The following DST variants were observed in gnomAD, a reference collection of about 807,000 sequenced individuals.
DST encodes the protein bullous pemphigoid antigen.
Under a neutral mutation model 875.2 loss-of-function variants are expected in DST, and 253 were observed. The observed-to-expected ratio is 0.29, with a 90% CI of 0.26 to 0.32. The LOEUF (loss-of-function observed/expected upper bound fraction) is 0.32. Among genes scored for constraint, DST ranks in the 10% least tolerant of loss-of-function variants. The pLI, the probability that DST is intolerant of heterozygous loss-of-function variation, is 1.00. For missense variants in DST, 8,287 were observed against 9,111.6 expected, an observed-to-expected ratio of 0.91 and a Z score of 3.68; for synonymous variants, 3,124 against 3,197.1, an observed-to-expected ratio of 0.98 and a Z score of 0.77.
intron 49 of DST, among the ~76,000 whole-genome samples, chr6:56,584,740 T>C (rs201309230): frequency 6.6e-6 from 1 of 152,122 alleles, no homozygotes; most frequent in African/African-American, 2.4e-5. Context: ...CTGTCATAGA[T>C]AGCTCTTATT....
At chr6:56,574,187 A>G (rs915439470) in intron 50 of DST, among the ~76,000 whole-genome samples, 4 of 152,158 alleles carry the variant, frequency 2.6e-5, no homozygotes, top group African/African-American at 9.7e-5. Context: ...CAGAGAGACA[A>G]AAGAGTAGTC....
chr6:56,771,904 A>T (rs996386700), intron 4 of DST, among the ~76,000 whole-genome samples: 2 of 152,216 alleles, frequency 1.3e-5, no homozygotes, highest in African/African-American at 4.8e-5. Flanking sequence ...CCATTATAAC[A>T]TTGCATTGAA....
At position 56,568,550 on chromosome 6, in the gene DST, C is replaced by T. The variant is rs2097721514; in HGVS notation, c.13924G>A (p.Val4642Ile). 6.2e-7 allele frequency: 1 copy of T among 1,612,186 alleles called. No homozygotes were observed. Among genetic ancestry groups the T allele is most frequent in the South Asian group, 1.1e-5 (1 of 90,626 alleles). ...WSLKTPEIQK[V>I]NNSGISLCNL... Reference sequence around the variant, plus strand: ...CATAGTGAGATCCCACTGTTGTTTACTTTCTGAATCTCTGGTGTTTTTAAA... The same window carrying T: ...CATAGTGAGATCCCACTGTTGTTTATTTTCTGAATCTCTGGTGTTTTTAAA... The change falls in exon 55 of 104, where the codon GTA becomes ATA. Residue 4642 changes from valine to isoleucine, a missense_variant. Val to Ile is a conservative substitution (Grantham distance 29). Coordinates refer to ENST00000680361, the MANE Select transcript of DST (RefSeq NM_001374736.1).
At chr6:56,871,514 G>C (rs913963513) in intron 3 of DST, 4 of 1,435,118 alleles carry the variant, frequency 2.8e-6, no homozygotes, top group Admixed American at 1.7e-5. Context: ...AGGGCTTAGA[G>C]GTAGATTCTC....
intron 2 of DST, among the ~76,000 whole-genome samples, chr6:56,933,473 C>T (rs1286637577): frequency 2.6e-5 from 4 of 152,222 alleles, no homozygotes; most frequent in Non-Finnish European, 5.9e-5. Flanking sequence ...TCTTCCACTG[C>T]AAACCTCAGT....
intron 4 of DST, among the ~76,000 whole-genome samples, chr6:56,825,802 G>C (rs116291540): frequency 6.6e-6 from 1 of 152,162 alleles, no homozygotes; most frequent in Admixed American, 6.5e-5. Flanking sequence ...GGGCTCACCA[G>C]GTAAAGGGTT....
chr6:56,621,440 A>T (rs535340785), intron 36 of DST, among the ~76,000 whole-genome samples: 52 of 152,356 alleles, frequency 3.4e-4, no homozygotes, highest in African/African-American at 1.2e-3. Flanking sequence ...TCTGGAAAAG[A>T]TGCGCTTCAT....
chr6:56,546,108 C>T (rs1271017726), intron 61 of DST, among the ~76,000 whole-genome samples: 3 of 151,502 alleles, frequency 2.0e-5, no homozygotes, highest in Non-Finnish European at 4.4e-5. Flanking sequence ...TCCTAAAGCC[C>T]TAAACCGATT....
chr6:56,845,345 T>C (rs936125012), intron 4 of DST, among the ~76,000 whole-genome samples: 2 of 152,116 alleles, frequency 1.3e-5, no homozygotes, highest in South Asian at 2.1e-4. Flanking sequence ...TAGGGATGAG[T>C]TCCTCTTGAA....
At chr6:56,835,003 T>C (rs2099791887) in intron 4 of DST, among the ~76,000 whole-genome samples, 1 of 152,160 alleles carries the variant, frequency 6.6e-6, no homozygotes, top group Non-Finnish European at 1.5e-5. Context: ...ACAATGAACT[T>C]AGCAATAAAA....
intron 4 of DST, among the ~76,000 whole-genome samples, chr6:56,788,200 A>T (rs2153001817): frequency 6.8e-6 from 1 of 147,778 alleles, no homozygotes; most frequent in East Asian, 2.0e-4. Flanking sequence ...CGAAAGTATT[A>T]AGTTCTTCTT....
In DST at chr6:56,937,765, G is replaced by A. The variant is rs546049837; in HGVS notation, c.216+16020C>T. On this transcript the variant is annotated intron_variant, in intron 2 of 103. Coordinates refer to ENST00000680361, the MANE Select transcript of DST (RefSeq NM_001374736.1). ...GGGAGAAGCGCCAATGTCCATCAAT[G>A]GTAAATGGATAAATCAAGTATGGTA... is the stretch of plus-strand genomic sequence containing the variant. Among the ~76,000 whole-genome samples the A allele has an allele frequency of 3.9e-5, 6 of 152,184 alleles. No individual in the cohort carries two copies. In the South Asian group the frequency reaches 1.2e-3, roughly 32 times the overall value.
intron 3 of DST, among the ~76,000 whole-genome samples, chr6:56,883,998 G>A (rs1783423908): frequency 6.6e-6 from 1 of 152,064 alleles, no homozygotes; most frequent in Non-Finnish European, 1.5e-5. Flanking sequence ...AGGCTTGGTG[G>A]CACACACCTG....
intron 10 of DST, among the ~76,000 whole-genome samples, chr6:56,661,476 A>C (rs2099041073): frequency 6.6e-6 from 1 of 152,104 alleles, no homozygotes; most frequent in Non-Finnish European, 1.5e-5. Flanking sequence ...TTGTTAGTGG[A>C]TCAGTGGCAG....
At chr6:56,887,371 T>C (rs1785111799) in intron 3 of DST, among the ~76,000 whole-genome samples, 1 of 151,954 alleles carries the variant, frequency 6.6e-6, no homozygotes. Flanking sequence ...GATCAAGGAG[T>C]TGTTTCAGGC....
intron 47 of DST, among the ~76,000 whole-genome samples, chr6:56,596,346 G>C (rs903461098): frequency 2.6e-5 from 4 of 152,134 alleles, no homozygotes; most frequent in African/African-American, 9.7e-5. Flanking sequence ...ATTTTCTAAA[G>C]CACAGATTCC....
At chr6:56,596,685 G>C (rs911844184) in intron 47 of DST, among the ~76,000 whole-genome samples, 3 of 152,120 alleles carry the variant, frequency 2.0e-5, no homozygotes, top group African/African-American at 7.2e-5. Context: ...CTATTCCAAA[G>C]ATTCCAAATA....
intron 45 of DST, 40 bp from the exon 46 acceptor site, chr6:56,598,749 T>C: frequency 8.0e-7 from 1 of 1,242,872 alleles, no homozygotes; most frequent in Non-Finnish European, 1.1e-6. Flanking sequence ...TATTAAATTA[T>C]TACCTATTTA....
intron 12 of DST, among the ~76,000 whole-genome samples, chr6:56,650,385 T>C (rs1445947853): frequency 1.1e-5 from 1 of 91,872 alleles, no homozygotes; most frequent in Non-Finnish European, 2.2e-5. Context: ...CTTTAAGAAA[T>C]AGTAGACTAA....
Sources: gnomAD v4.1 joint callset for allele counts (sites outside exome capture counted in the v4.1 genomes callset) on GRCh38, gnomAD v4.1.1 for gene constraint, MANE v1.5 for transcripts, NCBI Gene and HGNC (gene_info 2026-07-23, HGNC 2026-07-21) for gene names.